Variants in ZMAT4 observed in about 807,000 individuals in gnomAD.
ZMAT4 encodes the protein zinc finger matrin-type 4, also known as zinc finger matrin-type protein 4.
In ZMAT4, 17 loss-of-function variants were observed where a neutral mutation model predicts 28.7. The ratio of observed to expected loss-of-function variants is 0.59; its 90% CI spans 0.41 to 0.89. The LOEUF (loss-of-function observed/expected upper bound fraction) is 0.89. Among genes scored for constraint, ZMAT4 ranks in the 40% least tolerant of loss-of-function variants. The pLI is 0.00. For synonymous variants in ZMAT4, 117 were observed against 109.2 expected, an observed-to-expected ratio of 1.07 and a Z score of -0.44; for missense variants, 240 against 283.8, an observed-to-expected ratio of 0.85 and a Z score of 1.11.
chr8:40,591,073 G>A (rs892466001), intron 5 of ZMAT4, among the ~76,000 whole-genome samples: 2 of 152,058 alleles, frequency 1.3e-5, no homozygotes, highest in African/African-American at 4.8e-5. Flanking sequence ...GGTGCTAGTG[G>A]CTGACTCTTC....
At chr8:40,586,823 G>A (rs1804684884) in intron 5 of ZMAT4, among the ~76,000 whole-genome samples, 1 of 152,018 alleles carries the variant, frequency 6.6e-6, no homozygotes, top group Non-Finnish European at 1.5e-5. Context: ...AGCTAATCAG[G>A]GAAAAAGACA....
At chr8:40,558,247 C>T (rs915857833) in intron 6 of ZMAT4, among the ~76,000 whole-genome samples, 1 of 152,076 alleles carries the variant, frequency 6.6e-6, no homozygotes, top group Non-Finnish European at 1.5e-5. Context: ...CTTCTGAGTA[C>T]AATGGGAAGC....
At chr8:40,690,785 G>A (rs1705807362) in intron 4 of ZMAT4, 4 of 515,070 alleles carry the variant, frequency 7.8e-6, no homozygotes, top group Non-Finnish European at 1.0e-5. Context: ...TTATGTAAAA[G>A]TTCTGAAGCT....
intron 1 of ZMAT4, among the ~76,000 whole-genome samples, chr8:40,827,313 C>T (rs112724822): frequency 0.011 from 1,712 of 152,202 alleles, 23 homozygotes; most frequent in African/African-American, 0.029. Flanking sequence ...CTATATCAAC[C>T]GTAAAACTCT....
intron 2 of ZMAT4, among the ~76,000 whole-genome samples, chr8:40,788,174 G>C (rs1034343904): frequency 1.3e-5 from 2 of 152,108 alleles, no homozygotes; most frequent in African/African-American, 4.8e-5. Context: ...AAAAAAACAT[G>C]ACTCCTTCTA....
chr8:40,740,706 C>A (rs986790221), intron 3 of ZMAT4, among the ~76,000 whole-genome samples: 1 of 152,120 alleles, frequency 6.6e-6, no homozygotes, highest in Non-Finnish European at 1.5e-5. Context: ...AGTTCACAGA[C>A]CTCTAGGACT....
chr8:40,754,839 C>T (rs1812609313), intron 3 of ZMAT4, among the ~76,000 whole-genome samples: 1 of 152,182 alleles, frequency 6.6e-6, no homozygotes, highest in Admixed American at 6.5e-5. Flanking sequence ...ATAGTGAGAC[C>T]TTGTATCAAC....
chr8:40,842,934 C>T (rs1040836367), intron 1 of ZMAT4, among the ~76,000 whole-genome samples: 1 of 152,152 alleles, frequency 6.6e-6, no homozygotes. Context: ...CACCACCATG[C>T]CTGGCTAATT....
intron 2 of ZMAT4, among the ~76,000 whole-genome samples, chr8:40,799,220 T>TGGAA (rs1356289645): frequency 1.4e-4 from 20 of 137,938 alleles, no homozygotes; most frequent in African/African-American, 5.2e-4. Context: ...GATGGATGGA[T>TGGAA]GGATGGATAG....
At chr8:40,755,942 T>C (rs1005164320) in intron 3 of ZMAT4, among the ~76,000 whole-genome samples, 1 of 152,202 alleles carries the variant, frequency 6.6e-6, no homozygotes. Context: ...AAATCGCATC[T>C]ATTGATTTTC....
At position 40,718,375 on chromosome 8, in the gene ZMAT4, G is replaced by A. The variant is rs115573244; in HGVS notation, c.193-20974C>T. ...ATCTGCTTTGGGCCCAAATGAACTG[G>A]ACAATCTAGCCAAGCTTACTGATCC... On this transcript the variant is annotated intron_variant, in intron 3 of 6. Transcript: ENST00000297737. 5.3e-3 allele frequency among the ~76,000 whole-genome samples: 801 copies of A among 152,278 alleles called. 9 individuals are homozygous for A. The highest frequency in any genetic ancestry group is 0.018 in the African/African-American group (754 of 41,560).
At chr8:40,596,550 G>A (rs984548694) in intron 5 of ZMAT4, among the ~76,000 whole-genome samples, 1 of 151,816 alleles carries the variant, frequency 6.6e-6, no homozygotes, top group Non-Finnish European at 1.5e-5. Context: ...CATCAGCCTC[G>A]GCCTACATGA....
intron 5 of ZMAT4, among the ~76,000 whole-genome samples, chr8:40,650,458 C>T (rs577562084): frequency 8.8e-6 from 1 of 113,758 alleles, no homozygotes; most frequent in Admixed American, 8.8e-5. Context: ...AAAAAGAGTC[C>T]AGGACCAGAT....
chr8:40,748,438 A>G (rs1812328317), intron 3 of ZMAT4, among the ~76,000 whole-genome samples: 1 of 152,210 alleles, frequency 6.6e-6, no homozygotes, highest in Non-Finnish European at 1.5e-5. Flanking sequence ...AACACCACCC[A>G]TAAGCAGAAA....
At chr8:40,654,332 T>A (rs1270705837) in intron 5 of ZMAT4, among the ~76,000 whole-genome samples, 1 of 152,134 alleles carries the variant, frequency 6.6e-6, no homozygotes, top group Non-Finnish European at 1.5e-5. Context: ...CACTGTAGCC[T>A]GTGAAATGCA....
intron 6 of ZMAT4, among the ~76,000 whole-genome samples, chr8:40,539,818 A>G (rs1802969619): frequency 6.6e-6 from 1 of 152,338 alleles, no homozygotes; most frequent in African/African-American, 2.4e-5. Context: ...GATTTCCCAA[A>G]TGATAGCAGT....
At chr8:40,801,701 C>T (rs993894829) in intron 2 of ZMAT4, among the ~76,000 whole-genome samples, 1 of 151,982 alleles carries the variant, frequency 6.6e-6, no homozygotes, top group African/African-American at 2.4e-5. Flanking sequence ...TTCAATAATT[C>T]CATAAGCTGC....
intron 5 of ZMAT4, among the ~76,000 whole-genome samples, chr8:40,628,668 G>A (rs758891528): frequency 4.6e-5 from 7 of 152,176 alleles, no homozygotes; most frequent in Non-Finnish European, 1.0e-4. Context: ...ACAAGATGGT[G>A]TAAAGGTTGG....
intron 5 of ZMAT4, among the ~76,000 whole-genome samples, chr8:40,608,799 C>T (rs2118647192): frequency 6.6e-6 from 1 of 152,300 alleles, no homozygotes; most frequent in East Asian, 1.9e-4. Context: ...TCGGCTCTCT[C>T]AATTTGTCTC....
Sources: allele counts gnomAD v4.1 joint callset (sites outside exome capture counted in the v4.1 genomes callset), GRCh38; gene constraint gnomAD v4.1.1; transcripts MANE v1.5; gene names NCBI Gene and HGNC (gene_info 2026-07-23, HGNC 2026-07-21).